Variants in NHS observed in about 807,000 individuals in gnomAD.
NHS encodes the protein NHS actin remodeling regulator.
Under a neutral mutation model 72.5 loss-of-function variants are expected in NHS, and 5 were observed. The observed-to-expected ratio is 0.07, with a 90% CI of 0.04 to 0.14. The LOEUF is 0.14. Among genes scored for constraint, NHS ranks in the 10% least tolerant of loss-of-function variants. NHS has a pLI of 1.00. For missense variants in NHS, 1,072 were observed against 1,355.7 expected (o/e 0.79, Z 3.29); for synonymous variants, 464 against 547.7 (o/e 0.85, Z 2.13).
At chrX:17,557,109 T>TTG (rs56659086) in intron 1 of NHS, 9,768 of 87,558 alleles carry the variant, frequency 0.11, 587 homozygotes, top group Non-Finnish European at 0.14. Context: ...AAGGGGGATT[T>TTG]TGTGTGTGTG....
At chrX:17,635,521 A>T (rs1021579809) in intron 1 of NHS, 1 of 1,167,852 alleles carries the variant, frequency 8.6e-7, no homozygotes, top group East Asian at 3.3e-5. Flanking sequence ...ACGTCTTTGC[A>T]TAAAAGAAAA....
At chrX:17,714,620 C>T (rs1022438807) in intron 3 of NHS, among the ~76,000 whole-genome samples, 4 of 112,404 alleles carry the variant, frequency 3.6e-5, no homozygotes, top group Non-Finnish European at 7.5e-5. Flanking sequence ...ATGCCAGGCA[C>T]GTGAGCATGT....
At chrX:17,377,801 T>C (rs2064354780) in intron 1 of NHS, among the ~76,000 whole-genome samples, 1 of 113,363 alleles carries the variant, frequency 8.8e-6, no homozygotes, top group Non-Finnish European at 1.9e-5. Flanking sequence ...GGTTAATGAC[T>C]GGTTGTTTAA....
intron 1 of NHS, among the ~76,000 whole-genome samples, chrX:17,516,275 T>C (rs1248773786): frequency 9.0e-6 from 1 of 111,539 alleles, no homozygotes; most frequent in Non-Finnish European, 1.9e-5. Context: ...CTGGCCACCA[T>C]ATTGGACAGT....
At chrX:17,609,243 G>A in intron 1 of NHS, among the ~76,000 whole-genome samples, 1 of 112,209 alleles carries the variant, frequency 8.9e-6, no homozygotes, top group Middle Eastern at 4.6e-3. Context: ...TTGAGCCAAG[G>A]CTGAAGTGGA....
At chrX:17,655,337 G>A (rs929769098) in intron 1 of NHS, among the ~76,000 whole-genome samples, 4 of 112,210 alleles carry the variant, frequency 3.6e-5, no homozygotes, top group Non-Finnish European at 7.5e-5. Context: ...CGCCACTCTG[G>A]GCATGGGTAA....
chrX:17,507,455 C>T (rs1457931156), intron 1 of NHS, among the ~76,000 whole-genome samples: 1 of 111,834 alleles, frequency 8.9e-6, no homozygotes, highest in Non-Finnish European at 1.9e-5. Flanking sequence ...TACCTCACCC[C>T]ACTGTAATGA....
intron 1 of NHS, among the ~76,000 whole-genome samples, chrX:17,459,618 T>G (rs2064839265): frequency 8.9e-6 from 1 of 112,197 alleles, no homozygotes; most frequent in African/African-American, 3.2e-5. Flanking sequence ...TATTCTCCTT[T>G]TCTCTTTCTT....
In NHS at chrX:17,528,567, G is replaced by A. The variant is rs963548452; in HGVS notation, c.565+152245G>A. ...TTCTGGTTTGCTCTGGGTGGCAGCT[G>A]TGCTGGGTTTACCAATGGAGGAACT... On this transcript the variant is annotated intron_variant, in intron 1 of 8. Coordinates refer to ENST00000676302, the MANE Select transcript of NHS (RefSeq NM_001291867.2). The A allele has an allele frequency of 2.7e-5, 3 of 112,145 alleles. No individual in the cohort carries two copies. In the East Asian group the frequency reaches 8.4e-4, roughly 31 times the overall value. The allele number at this position is 112,145 out of a possible 1,213,427, so 9.2% of individuals were successfully genotyped here.
chrX:17,556,849 T>C (rs1207711489), intron 1 of NHS, among the ~76,000 whole-genome samples: 2 of 111,036 alleles, frequency 1.8e-5, no homozygotes, highest in East Asian at 5.6e-4. Context: ...TGGCTGAACA[T>C]TGGCAATTTC....
chrX:17,522,875 G>A (rs1252078579), intron 1 of NHS, among the ~76,000 whole-genome samples: 1 of 111,721 alleles, frequency 9.0e-6, no homozygotes, highest in Non-Finnish European at 1.9e-5. Context: ...GGAAACTGAT[G>A]TGGCTCCATC....
chrX:17,684,027 G>T (rs2066144633), intron 1 of NHS, among the ~76,000 whole-genome samples: 1 of 111,605 alleles, frequency 9.0e-6, no homozygotes, highest in African/African-American at 3.3e-5. Context: ...TGTTCTTGTG[G>T]TAGTGAATAA....
At chrX:17,586,828 T>C (rs749766220) in intron 1 of NHS, 2 of 112,327 alleles carry the variant, frequency 1.8e-5, no homozygotes, top group Non-Finnish European at 3.8e-5. Flanking sequence ...AAAAACTTTC[T>C]TGGCTGTGCT....
chrX:17,532,744 A>G (rs2065204582), intron 1 of NHS, among the ~76,000 whole-genome samples: 1 of 111,473 alleles, frequency 9.0e-6, no homozygotes, highest in Non-Finnish European at 1.9e-5. Flanking sequence ...GGGCTAAAGA[A>G]GTGTGCCTCG....
In NHS at chrX:17,615,204, G is replaced by GTA. The variant is rs752849880; in HGVS notation, c.566-72529_566-72528dup. Among the ~76,000 whole-genome samples the GTA allele has an allele frequency of 8.0e-3, 637 of 79,844 alleles. 50 individuals are homozygous for GTA. The East Asian group carries it at 0.18, about 23-fold the overall frequency. 69.3% of individuals were successfully genotyped at this position (79,844 alleles called of 115,157 possible). A position where few individuals can be genotyped will look rare whatever the true frequency, so the allele number is the denominator to read the frequency against. On this transcript the variant is annotated intron_variant, in intron 1 of 8. Transcript: ENST00000676302. ...ATATAGTATATATACACATATATAC[G>GTA]TATATATATACGTATATATACACAT...
At chrX:17,623,937 A>G (rs943885395) in intron 1 of NHS, among the ~76,000 whole-genome samples, 1 of 112,626 alleles carries the variant, frequency 8.9e-6, no homozygotes. Context: ...GCATAGCACA[A>G]TAGCTTGCGT....
intron 1 of NHS, among the ~76,000 whole-genome samples, chrX:17,685,218 G>A (rs974883839): frequency 8.9e-6 from 1 of 112,188 alleles, no homozygotes; most frequent in Non-Finnish European, 1.9e-5. Context: ...TGACGTCACT[G>A]AGAGCAAAGG....
intron 1 of NHS, chrX:17,586,188 T>A (rs2065574814): frequency 9.0e-6 from 1 of 111,395 alleles, no homozygotes; most frequent in African/African-American, 3.3e-5. Context: ...TGGAAGTTCT[T>A]GTCTTACAGA....
chrX:17,579,048 G>A (rs1221904597), intron 1 of NHS, among the ~76,000 whole-genome samples: 1 of 112,261 alleles, frequency 8.9e-6, no homozygotes, highest in Non-Finnish European at 1.9e-5. Flanking sequence ...TCAGCCAAAA[G>A]TTCAGTTGCA....
Sources: gnomAD v4.1 joint callset for allele counts (sites outside exome capture counted in the v4.1 genomes callset) on GRCh38, gnomAD v4.1.1 for gene constraint, MANE v1.5 for transcripts, NCBI Gene and HGNC (gene_info 2026-07-23, HGNC 2026-07-21) for gene names.